ZNF316: variants seen among roughly 807,000 people sequenced by gnomAD.
The protein encoded by ZNF316 is zinc finger protein 316.
In ZNF316, 23 loss-of-function variants were observed where a neutral mutation model predicts 75.6. That is an observed-to-expected ratio of 0.30 (90% CI 0.22 to 0.43). ZNF316 has a LOEUF of 0.43. Ranked by LOEUF, ZNF316 falls within the 20% of genes least tolerant of loss-of-function variation. The probability of loss-of-function intolerance (pLI) is 1.00; values close to 1 mark genes in which losing one functional copy is unlikely to be tolerated. For missense variants in ZNF316, 1,266 were observed against 1,409.4 expected, an observed-to-expected ratio of 0.90 and a Z score of 1.63; for synonymous variants, 827 against 666.2, an observed-to-expected ratio of 1.24 and a Z score of -3.72.
Position 6,639,329 on chromosome 7 carries a change from C to T in ZNF316, c.-167+188C>T, listed in dbSNP as rs1779273926. ...CTTAAGTGCTGGTGTGAGGGGTATT[C>T]AGACATGAGCAAAGGGAGCTTCTGC... On this transcript the variant is annotated intron_variant, in intron 3 of 8. Coordinates refer to ENST00000382252, the MANE Select transcript of ZNF316 (RefSeq NM_001278559.2). This position sits in a 1 kb window ranked among gnomAD's most constrained non-coding sequence, Gnocchi z 4.2. 6.6e-6 allele frequency among the ~76,000 whole-genome samples: 1 copy of T among 152,138 alleles called. No individual in the cohort carries two copies. The highest frequency in any genetic ancestry group is 2.4e-5 in the African/African-American group (1 of 41,428).
chr7:6,653,255 C>A lies in ZNF316; in HGVS notation c.1659C>A (p.Ala553=). 1 of 1,227,452 alleles carries A rather than the reference C, an allele frequency of 8.1e-7. No homozygotes were observed. Among genetic ancestry groups the A allele is most frequent in the Non-Finnish European group, 1.0e-6 (1 of 985,648 alleles). 76.0% of individuals were successfully genotyped at this position (1,227,452 alleles called of 1,614,324 possible). ...GEADGEAEAA[A]EEREEAAVAA... ...CGGACGGAGAGGCGGAGGCCGCGGCCGAGGAGAGAGAGGAGGCGGCGGTGG... is the reference window on the plus strand; with the variant it reads ...CGGACGGAGAGGCGGAGGCCGCGGCAGAGGAGAGAGAGGAGGCGGCGGTGG... Residue 553 remains alanine, a synonymous_variant, in exon 9 of 9, where the codon GCC becomes GCA. Coordinates refer to ENST00000382252, the MANE Select transcript of ZNF316 (RefSeq NM_001278559.2).
rs1779580676 is a variant in ZNF316 at position 6,654,499 on chromosome 7, C to A, written c.2903C>A (p.Pro968His). ...AAAKGPSSAG[P>H]GERGSALLEF... Reference sequence around the variant, plus strand: ...GCCAAGGGGCCGTCCAGTGCCGGCCCCGGTGAGCGCGGCAGCGCCCTGCTG... The same window carrying A: ...GCCAAGGGGCCGTCCAGTGCCGGCCACGGTGAGCGCGGCAGCGCCCTGCTG... The change falls in exon 9 of 9, where the codon CCC becomes CAC. Residue 968 changes from proline to histidine, a missense_variant. Coordinates refer to ENST00000382252, the MANE Select transcript of ZNF316 (RefSeq NM_001278559.2). The A allele has an allele frequency of 8.5e-7, 1 of 1,177,918 alleles. No individual in the cohort carries two copies. The highest frequency in any genetic ancestry group is 1.6e-5 in the African/African-American group (1 of 61,932). 73.0% of individuals were successfully genotyped at this position (1,177,918 alleles called of 1,614,324 possible). A position where few individuals can be genotyped will look rare whatever the true frequency, so the allele number is the denominator to read the frequency against.
In ZNF316 at chr7:6,640,516, G is replaced by A. The variant is rs1043404618; in HGVS notation, c.-166-1309G>A. On this transcript the variant is annotated intron_variant, in intron 3 of 8. Coordinates refer to ENST00000382252, the MANE Select transcript of ZNF316 (RefSeq NM_001278559.2). The surrounding 1 kb of genome is among the most constrained non-coding windows in gnomAD (Gnocchi z 5.1). ...ACTCATTACTCACTGTCTCCAAGGG[G>A]ATGGCCCAAGATTCAGGAGGGACCC... 1.3e-5 allele frequency among the ~76,000 whole-genome samples: 2 copies of A among 152,212 alleles called. No homozygotes were observed. Among genetic ancestry groups the A allele is most frequent in the African/African-American group, 4.8e-5 (2 of 41,468 alleles).
Position 6,644,555 on chromosome 7 carries a change from G to T in ZNF316, c.668G>T (p.Arg223Leu), listed in dbSNP as rs1384764290. Reference sequence around the variant, plus strand: ...GAACCTTGGGTCCCAGATAGTCCCCGACCTGAGGAAGGAGACATCGTCACT... The same window carrying T: ...GAACCTTGGGTCCCAGATAGTCCCCTACCTGAGGAAGGAGACATCGTCACT... ...GEEPWVPDSP[R>L]PEEGDIVTGV... The change falls in exon 8 of 9, where the codon CGA (arginine) becomes CTA (leucine). Residue 223 changes from arginine to leucine, a missense_variant. Arg to Leu is a moderately radical substitution (Grantham distance 102). Around this residue, in one of 3 missense-constraint regions of ZNF316, gnomAD observed 961 missense variants for 990.9 expected, o/e 0.97. Transcript: ENST00000382252. 1.6e-6 allele frequency: 2 copies of T among 1,232,374 alleles called. No homozygotes were observed. The highest frequency in any genetic ancestry group is 2.0e-6 in the Non-Finnish European group (2 of 988,040). 76.3% of individuals were successfully genotyped at this position (1,232,374 alleles called of 1,614,324 possible).
chr7:6,651,578 C>T (rs1393450970), intron 8 of ZNF316, among the ~76,000 whole-genome samples: 1 of 152,024 alleles, frequency 6.6e-6, no homozygotes, highest in South Asian at 2.1e-4. Context: ...TTGCTTGAAC[C>T]TGGGAGGTGG....
chr7:6,652,755 C>G lies in ZNF316; in HGVS notation c.1159C>G (p.His387Asp), dbSNP rs1779533447. 7.9e-7 allele frequency: 1 copy of G among 1,263,386 alleles called. No individual in the cohort carries two copies. The highest frequency in any genetic ancestry group is 1.0e-6 in the Non-Finnish European group (1 of 1,004,028). 78.3% of individuals were successfully genotyped at this position (1,263,386 alleles called of 1,614,324 possible). A position where few individuals can be genotyped will look rare whatever the true frequency, so the allele number is the denominator to read the frequency against. The change falls in exon 9 of 9, where the codon CAC becomes GAC. Residue 387 changes from histidine (H) to aspartate (D), a missense_variant. His to Asp is a moderately conservative substitution (Grantham distance 81, BLOSUM62 -1). Around this residue, in one of 3 missense-constraint regions of ZNF316, gnomAD observed 961 missense variants for 990.9 expected, o/e 0.97. Transcript: ENST00000382252. ...ECGKGFVYRS[H>D]LAIHQRTHTG... ...CGGCAAGGGCTTCGTGTACCGCTCG[C>G]ACTTGGCCATCCACCAGCGCACGCA...
chr7:6,644,984 G>T (rs1779373812), intron 8 of ZNF316, among the ~76,000 whole-genome samples: 2 of 152,138 alleles, frequency 1.3e-5, no homozygotes, highest in African/African-American at 4.8e-5. Context: ...GGCCATGTCT[G>T]GGAAAAGGCT....
chr7:6,644,830 G>A (rs1366433912), intron 8 of ZNF316, among the ~76,000 whole-genome samples: 3 of 152,178 alleles, frequency 2.0e-5, no homozygotes, highest in African/African-American at 7.2e-5. Flanking sequence ...GCCCTGCGTT[G>A]GAGCCTGTGA....
Position 6,652,276 on chromosome 7 carries a change from CTT to C in ZNF316, c.707-26_707-25del, listed in dbSNP as rs1779520301. 4.9e-6 allele frequency: 6 copies of C among 1,232,150 alleles called. No individual in the cohort carries two copies. In the South Asian group the frequency reaches 2.1e-4, roughly 42 times the overall value. The allele number at this position is 1,232,150 out of a possible 1,614,324, so 76.3% of individuals were successfully genotyped here. On this transcript the variant is annotated intron_variant, in intron 8 of 8. Transcript: ENST00000382252. ...TCCTGTCAAGTTCACTTACCTCTCT[CTT>C]CTGGCCTGCCTTTGTCACCTTCAGG...
At position 6,655,833 on chromosome 7, in the gene ZNF316, A is replaced by G. The variant is rs1410169308; in HGVS notation, c.*1222A>G. 6.6e-6 allele frequency: 1 copy of G among 152,182 alleles called. No homozygotes were observed. Among genetic ancestry groups the G allele is most frequent in the Non-Finnish European group, 1.5e-5 (1 of 68,076 alleles). 9.4% of individuals were successfully genotyped at this position (152,182 alleles called of 1,614,324 possible). A position where few individuals can be genotyped will look rare whatever the true frequency, so the allele number is the denominator to read the frequency against. ...GGCTCAGTGACAAACCAGGCACCCA[A>G]CTATGCAAGGCCCCTGCCTGGTGGG... On this transcript the variant is annotated 3_prime_UTR_variant, in exon 9 of 9. Transcript: ENST00000382252.
rs1014590779 is a variant in ZNF316 at position 6,652,737 on chromosome 7, G to A, written c.1141G>A (p.Gly381Ser). Reference protein sequence around the residue: ...KPFGCEECGKGFVYRSHLAIH... With the variant: ...KPFGCEECGKSFVYRSHLAIH... ...CTTCGGCTGCGAGGAGTGCGGCAAG[G>A]GCTTCGTGTACCGCTCGCACTTGGC... The change falls in exon 9 of 9, where the codon GGC becomes AGC. Residue 381 changes from glycine (G) to serine (S), a missense_variant. By Grantham distance (56) the Gly-to-Ser change is moderately conservative (BLOSUM62 0). Transcript: ENST00000382252. 2 of 1,249,758 alleles carry A rather than the reference G, an allele frequency of 1.6e-6. No individual in the cohort carries two copies. Among genetic ancestry groups the A allele is most frequent in the African/African-American group, 1.5e-5 (1 of 64,586 alleles). The allele number at this position is 1,249,758 out of a possible 1,614,324, so 77.4% of individuals were successfully genotyped here.
chr7:6,652,521 G>A lies in ZNF316; in HGVS notation c.925G>A (p.Asp309Asn). 1.6e-6 allele frequency: 2 copies of A among 1,231,206 alleles called. No individual in the cohort carries two copies. The highest frequency in any genetic ancestry group is 3.2e-5 in the East Asian group (1 of 31,644). 76.3% of individuals were successfully genotyped at this position (1,231,206 alleles called of 1,614,324 possible). ...CCCAGGCGGCCTGGGGGTCCTGGCC[G>A]ACGGCTCTGAAGCGAAGCCTTTCCT... is the stretch of plus-strand genomic sequence containing the variant. ...PDPGGLGVLA[D>N]GSEAKPFLPG... The change falls in exon 9 of 9, where the codon GAC becomes AAC. Residue 309 changes from aspartate to asparagine, a missense_variant. By Grantham distance (23) the Asp-to-Asn change is conservative (BLOSUM62 1). Coordinates refer to ENST00000382252, the MANE Select transcript of ZNF316 (RefSeq NM_001278559.2).
rs936859373 is a variant in ZNF316 at position 6,637,493 on chromosome 7, G to A, written c.-431+46G>A. The A allele has an allele frequency of 2.0e-5, 3 of 146,616 alleles. No individual in the cohort carries two copies. The highest frequency in any genetic ancestry group is 7.4e-5 in the African/African-American group (3 of 40,774). 9.1% of individuals were successfully genotyped at this position (146,616 alleles called of 1,614,324 possible). On this transcript the variant is annotated intron_variant, in intron 1 of 8. Coordinates refer to ENST00000382252, the MANE Select transcript of ZNF316 (RefSeq NM_001278559.2). The surrounding 1 kb of genome is among the most constrained non-coding windows in gnomAD (Gnocchi z 6.2). ...CGGTGGGCGGCGGCGCGGGCGGCAGGTGCGGGCGGGCCGGGCTTGCGCTCG... is the reference window on the plus strand; with the variant it reads ...CGGTGGGCGGCGGCGCGGGCGGCAGATGCGGGCGGGCCGGGCTTGCGCTCG...
rs1779568340 is a variant in ZNF316 at position 6,653,937 on chromosome 7, G to A, written c.2341G>A (p.Gly781Ser). 1 of 1,149,444 alleles carries A rather than the reference G, an allele frequency of 8.7e-7. No individual in the cohort carries two copies. The highest frequency in any genetic ancestry group is 1.1e-6 in the Non-Finnish European group (1 of 935,742). 71.2% of individuals were successfully genotyped at this position (1,149,444 alleles called of 1,614,324 possible). A position where few individuals can be genotyped will look rare whatever the true frequency, so the allele number is the denominator to read the frequency against. The change falls in exon 9 of 9, where the codon GGT (glycine) becomes AGT (serine). Residue 781 changes from glycine to serine, a missense_variant. By Grantham distance (56) the Gly-to-Ser change is moderately conservative (BLOSUM62 0). Coordinates refer to ENST00000382252, the MANE Select transcript of ZNF316 (RefSeq NM_001278559.2). Reference sequence around the variant, plus strand: ...GAAGCCGTTCGTGTGCGGCGTGTGCGGTGCGGGGTTCAGCCGTCGCGCGCA... The same window carrying A: ...GAAGCCGTTCGTGTGCGGCGTGTGCAGTGCGGGGTTCAGCCGTCGCGCGCA... Reference protein sequence around the residue: ...GEKPFVCGVCGAGFSRRAHLT... With the variant: ...GEKPFVCGVCSAGFSRRAHLT...
intron 8 of ZNF316, among the ~76,000 whole-genome samples, chr7:6,646,074 A>C (rs946337737): frequency 6.6e-6 from 1 of 150,958 alleles, no homozygotes; most frequent in African/African-American, 2.4e-5. Flanking sequence ...AACGGCCCCC[A>C]TGATCTGATC....
Position 6,642,651 on chromosome 7 carries a change from TGGA to T in ZNF316, c.252_254del (p.Glu84del). On this transcript the variant is annotated inframe_deletion, in exon 5 of 9. Transcript: ENST00000382252. The surrounding 1 kb of genome is among the most constrained non-coding windows in gnomAD (Gnocchi z 8.1). ...GCCGAGGTGGAGGTGGAGGCGGACG[TGGA>T]GGAGGAGGATGTGAAGGAGGTGCTG... The T allele has an allele frequency of 4.9e-6, 6 of 1,234,526 alleles. No individual in the cohort carries two copies. The highest frequency in any genetic ancestry group is 4.1e-5 in the South Asian group (1 of 24,634). The allele number at this position is 1,234,526 out of a possible 1,614,324, so 76.5% of individuals were successfully genotyped here. A position where few individuals can be genotyped will look rare whatever the true frequency, so the allele number is the denominator to read the frequency against.
chr7:6,638,854 G>C (rs1046250508), intron 2 of ZNF316, among the ~76,000 whole-genome samples, 188 bp from the exon 3 acceptor site: 12 of 152,210 alleles, frequency 7.9e-5, no homozygotes, highest in African/African-American at 2.9e-4. Flanking sequence ...GAAGTGAGCA[G>C]TGTTTACAGT....
chr7:6,644,967 C>T (rs1300661850), intron 8 of ZNF316, among the ~76,000 whole-genome samples: 1 of 152,208 alleles, frequency 6.6e-6, no homozygotes, highest in Admixed American at 6.5e-5. Context: ...TGCTTCTCCG[C>T]CCACTTGGCC....
chr7:6,647,385 C>G (rs770936001), intron 8 of ZNF316, among the ~76,000 whole-genome samples: 3 of 152,262 alleles, frequency 2.0e-5, no homozygotes, highest in Non-Finnish European at 4.4e-5. Context: ...ATCCCCCTGA[C>G]AGTTTGCAGA....
Sources: gnomAD v4.1 joint callset for allele counts (sites outside exome capture counted in the v4.1 genomes callset) on GRCh38, gnomAD v4.1.1 for gene constraint, gnomAD v4.1.1 regional missense constraint, Gnocchi (gnomAD v3.1) non-coding constraint, MANE v1.5 for transcripts, NCBI Gene and HGNC (gene_info 2026-07-23, HGNC 2026-07-21) for gene names.